Variants in DMXL2 observed in about 807,000 individuals in gnomAD.
DMXL2 encodes the protein Dmx like 2.
A neutral mutation model predicts 331.1 loss-of-function variants in DMXL2; 103 were observed. That is an observed-to-expected ratio of 0.31 (90% CI 0.27 to 0.37). The LOEUF is 0.37. Among genes scored for constraint, DMXL2 ranks in the 10% least tolerant of loss-of-function variants. The pLI is 1.00. For missense variants in DMXL2, 3,171 were observed against 3,642.9 expected (o/e 0.87, Z 3.33); for synonymous variants, 1,281 against 1,252.1 (o/e 1.02, Z -0.49).
chr15:51,486,416 A>C, intron 22 of DMXL2, 79 bp from the exon 23 acceptor site: 1 of 1,083,106 alleles, frequency 9.2e-7, no homozygotes, highest in Admixed American at 2.1e-5. Context: ...AATACCCTGA[A>C]ATTATCTACC....
rs755966551 is a variant in DMXL2 at position 51,480,620 on chromosome 15, A to G, written c.6486T>C (p.Cys2162=). 1.2e-6 allele frequency: 2 copies of G among 1,605,754 alleles called. No homozygotes were observed. Among genetic ancestry groups the G allele is most frequent in the South Asian group, 2.2e-5 (2 of 90,488 alleles). The change falls in exon 24 of 44, where the codon TGT becomes TGC. Residue 2162 remains cysteine, a synonymous_variant. Transcript: ENST00000560891. ...CACCACCTTGGGCCCCATGAAGGCT[A>G]CAGTAGCTGAGAAATACTCTCAGGA... The part of the protein sequence containing the change: ...QDLLRVFLSY[C]SLHGAQGGGL...
chr15:51,601,450 T>C (rs535405498), intron 1 of DMXL2, among the ~76,000 whole-genome samples: 2 of 152,270 alleles, frequency 1.3e-5, no homozygotes, highest in African/African-American at 2.4e-5. Context: ...TTTTTATGTA[T>C]GGGGTGAGAT....
chr15:51,588,775 T>C (rs1158227589), intron 1 of DMXL2, among the ~76,000 whole-genome samples: 3 of 152,222 alleles, frequency 2.0e-5, no homozygotes, highest in Admixed American at 2.0e-4. Flanking sequence ...GGAAAGAGCA[T>C]ATTCCTGAGA....
intron 1 of DMXL2, among the ~76,000 whole-genome samples, chr15:51,606,557 C>T (rs12442803): frequency 1.3e-5 from 2 of 152,096 alleles, no homozygotes; most frequent in East Asian, 1.9e-4. Flanking sequence ...TCAAGCCTTG[C>T]GCTTGAATTA....
chr15:51,488,302 T>C (rs536186434), intron 21 of DMXL2, among the ~76,000 whole-genome samples, 183 bp from the exon 22 acceptor site: 7 of 152,358 alleles, frequency 4.6e-5, no homozygotes, highest in Admixed American at 1.3e-4. Flanking sequence ...TAATGCCTTA[T>C]GTATACATAA....
rs1412481423 is a variant in DMXL2, at chr15:51,605,585, G to A, written c.87+16874C>T. On this transcript the variant is annotated intron_variant, in intron 1 of 43. Transcript: ENST00000560891. ...GGAGTCTCGCTCTGTCGCCCAGGCCGGACTGCGGACTGCAGTGGCGCAATC... is the reference window on the plus strand; with the variant it reads ...GGAGTCTCGCTCTGTCGCCCAGGCCAGACTGCGGACTGCAGTGGCGCAATC... Among the ~76,000 whole-genome samples the A allele has an allele frequency of 7.5e-5, 6 of 79,760 alleles. No individual in the cohort carries two copies. In the South Asian group the frequency reaches 1.5e-3, roughly 19 times the overall value. The allele number at this position is 79,760 out of a possible 152,430, so 52.3% of individuals were successfully genotyped here. A position where few individuals can be genotyped will look rare whatever the true frequency, so the allele number is the denominator to read the frequency against.
chr15:51,520,296 G>C (rs2047281625), intron 13 of DMXL2, among the ~76,000 whole-genome samples: 1 of 152,106 alleles, frequency 6.6e-6, no homozygotes, highest in African/African-American at 2.4e-5. Flanking sequence ...ATTAAATGTT[G>C]CTTCTAACTA....
At chr15:51,615,790 A>G (rs887453771) in intron 1 of DMXL2, among the ~76,000 whole-genome samples, 2 of 152,238 alleles carry the variant, frequency 1.3e-5, no homozygotes. Flanking sequence ...AGAAGTTGCT[A>G]GCACAAAACC....
chr15:51,502,520 G>A (rs1448477836), intron 17 of DMXL2, among the ~76,000 whole-genome samples: 2 of 151,884 alleles, frequency 1.3e-5, no homozygotes, highest in Admixed American at 6.6e-5. Context: ...ACATGGTTTC[G>A]CCATGTTAGC....
Position 51,514,447 on chromosome 15 carries a change from G to A in DMXL2, c.2639C>T (p.Ser880Leu), listed in dbSNP as rs1215838497. 1 of 1,535,950 alleles carries A rather than the reference G, an allele frequency of 6.5e-7. No homozygotes were observed. The highest frequency in any genetic ancestry group is 1.2e-5 in the South Asian group (1 of 85,064). ...KKETEIFFQP[S>L]QGYRPPPFSE... ...AGACTATTTTTTTAAAGTACCTTGT[G>A]ATGGCTGAAAAAATATTTCTGTTTC... Residue 880 changes from serine (S) to leucine (L), a missense_variant, in exon 15 of 44, where the codon TCA becomes TTA. Transcript: ENST00000560891.
Position 51,511,883 on chromosome 15 carries a change from C to G in DMXL2, c.2644+2559G>C, listed in dbSNP as rs113857340. On this transcript the variant is annotated intron_variant, in intron 15 of 43. Coordinates refer to ENST00000560891, the MANE Select transcript of DMXL2 (RefSeq NM_001378457.1). ...CCATAAAAAAGGATGAGTTCATGTC[C>G]TTTGCAGGGACATGGATGAAGCTGG... 5.3e-3 allele frequency among the ~76,000 whole-genome samples: 805 copies of G among 152,226 alleles called. 9 individuals carry two copies. Among genetic ancestry groups the G allele is most frequent in the African/African-American group, 0.018 (747 of 41,528 alleles).
intron 41 of DMXL2, 69 bp from the exon 42 acceptor site, chr15:51,451,766 T>C: frequency 7.5e-7 from 1 of 1,341,304 alleles, no homozygotes; most frequent in Non-Finnish European, 1.1e-6. Context: ...AGGGACAACC[T>C]GTCTTTCAGT....
intron 1 of DMXL2, among the ~76,000 whole-genome samples, chr15:51,592,460 C>T (rs2052445047): frequency 6.6e-6 from 1 of 152,164 alleles, no homozygotes; most frequent in African/African-American, 2.4e-5. Flanking sequence ...CTGAAAGTGA[C>T]AGGGACAATG....
chr15:51,481,281 C>T lies in DMXL2; in HGVS notation c.5825G>A (p.Ser1942Asn), dbSNP rs776784359. The T allele has an allele frequency of 6.2e-7, 1 of 1,614,008 alleles. No homozygotes were observed. Among genetic ancestry groups the T allele is most frequent in the Non-Finnish European group, 8.5e-7 (1 of 1,179,958 alleles). Residue 1942 changes from serine to asparagine, a missense_variant, in exon 24 of 44, where the codon AGT (serine) becomes AAT (asparagine). Ser to Asn is a conservative substitution (Grantham distance 46, BLOSUM62 1). Coordinates refer to ENST00000560891, the MANE Select transcript of DMXL2 (RefSeq NM_001378457.1). ...AATGCCAGAACTTCCATTGCCATCA[C>T]TCAGAGCTTTTGAATGTGAAGGTAC... ...DDVPSHSKAL[S>N]DGNGSSGIEW...
At position 51,499,334 on chromosome 15, in the gene DMXL2, T is replaced by C; in HGVS notation, c.3890A>G (p.Asp1297Gly). 1 of 1,613,996 alleles carries C rather than the reference T, an allele frequency of 6.2e-7. No individual in the cohort carries two copies. Among genetic ancestry groups the C allele is most frequent in the Non-Finnish European group, 8.5e-7 (1 of 1,180,010 alleles). ...SSNAEEAAMQ[D>G]HSTFKSNMLA... The stretch of plus-strand genomic sequence containing the variant: ...CATATTAGATTTAAAGGTCGAATGA[T>C]CTTGCATTGCTGCCTCTTCTGCATT... The change falls in exon 18 of 44, where the codon GAT (aspartate) becomes GGT (glycine). Residue 1297 changes from aspartate (D) to glycine (G), a missense_variant. Around this residue, in one of 7 missense-constraint regions of DMXL2, gnomAD observed 1,674 missense variants for 1,780.2 expected, o/e 0.94. Transcript: ENST00000560891.
At chr15:51,494,489 C>T (rs1419470415) in intron 19 of DMXL2, among the ~76,000 whole-genome samples, 2 of 152,100 alleles carry the variant, frequency 1.3e-5, no homozygotes, top group Non-Finnish European at 2.9e-5. Context: ...TCTATAGTTT[C>T]AATTTTTTAA....
intron 27 of DMXL2, among the ~76,000 whole-genome samples, chr15:51,476,352 T>C (rs528355096): frequency 5.3e-5 from 8 of 152,308 alleles, no homozygotes; most frequent in South Asian, 4.1e-4. Context: ...TGTTAAGACA[T>C]TGCTTTTTTA....
chr15:51,501,919 C>CAAAA (rs751293392), intron 17 of DMXL2, among the ~76,000 whole-genome samples: 1 of 86,776 alleles, frequency 1.2e-5, no homozygotes, highest in Non-Finnish European at 2.3e-5. Context: ...AACTCCATCT[C>CAAAA]AAAAAAAAAA....
At chr15:51,552,031 G>C (rs1333646893) in intron 6 of DMXL2, among the ~76,000 whole-genome samples, 1 of 152,138 alleles carries the variant, frequency 6.6e-6, no homozygotes, top group African/African-American at 2.4e-5. Context: ...AGGAAGTCTG[G>C]GTATTGTAGG....
Sources: allele counts gnomAD v4.1 joint callset (sites outside exome capture counted in the v4.1 genomes callset), GRCh38; gene constraint gnomAD v4.1.1; regional missense constraint gnomAD v4.1.1; transcripts MANE v1.5; gene names NCBI Gene and HGNC (gene_info 2026-07-23, HGNC 2026-07-21).